The following CACNA2D3 variants were observed in gnomAD, a reference collection of about 807,000 sequenced individuals.
CACNA2D3 encodes calcium voltage-gated channel auxiliary subunit alpha2delta 3, also known as voltage-dependent calcium channel subunit alpha-2/delta-3.
CACNA2D3 carries 60 observed loss-of-function variants against 160.6 expected under a neutral mutation model. The observed-to-expected ratio is 0.37, with a 90% confidence interval of 0.30 to 0.46. The LOEUF is 0.46. Ranked by LOEUF, CACNA2D3 falls within the 20% of genes least tolerant of loss-of-function variation. The probability of loss-of-function intolerance (pLI) is 1.00; values close to 1 mark genes in which losing one functional copy is unlikely to be tolerated. For synonymous variants in CACNA2D3, 558 were observed against 492.9 expected (o/e 1.13, Z -1.75); for missense variants, 1,205 against 1,365.0 (o/e 0.88, Z 1.85).
intron 4 of CACNA2D3, among the ~76,000 whole-genome samples, chr3:54,413,141 G>A (rs925120371): frequency 6.7e-6 from 1 of 150,066 alleles, no homozygotes; most frequent in Non-Finnish European, 1.5e-5. Context: ...CATTTTGGAA[G>A]GATAATTTTG....
chr3:54,379,286 T>C (rs1699061364), intron 3 of CACNA2D3, among the ~76,000 whole-genome samples: 1 of 152,256 alleles, frequency 6.6e-6, no homozygotes, highest in Non-Finnish European at 1.5e-5. Flanking sequence ...TGTTCATTCA[T>C]GTGCAACAAA....
intron 10 of CACNA2D3, chr3:54,632,347 T>G (rs1699258645): frequency 6.6e-6 from 1 of 152,242 alleles, no homozygotes; most frequent in African/African-American, 2.4e-5. Context: ...TCAGATGAGT[T>G]TGTGAACAAT....
At chr3:54,179,589 G>A (rs2107321075) in intron 2 of CACNA2D3, among the ~76,000 whole-genome samples, 1 of 152,296 alleles carries the variant, frequency 6.6e-6, no homozygotes, top group East Asian at 1.9e-4. Flanking sequence ...TTCATATGTT[G>A]AAGCTTAATT....
chr3:54,493,028 A>G (rs558173333), intron 4 of CACNA2D3, among the ~76,000 whole-genome samples: 17 of 149,942 alleles, frequency 1.1e-4, no homozygotes, highest in African/African-American at 3.7e-4. Flanking sequence ...TTATAAATAA[A>G]TAAATATGTA....
intron 11 of CACNA2D3, among the ~76,000 whole-genome samples, chr3:54,706,811 T>G (rs1700864434): frequency 6.6e-6 from 1 of 152,216 alleles, no homozygotes; most frequent in Non-Finnish European, 1.5e-5. Flanking sequence ...AATCCCATGC[T>G]TTGTGGCCAA....
intron 27 of CACNA2D3, among the ~76,000 whole-genome samples, chr3:54,938,392 A>G (rs1222847192): frequency 6.6e-6 from 1 of 152,236 alleles, no homozygotes; most frequent in Non-Finnish European, 1.5e-5. Context: ...CCATGGCCTC[A>G]GAATCCTTTC....
chr3:54,309,021 G>T (rs1703671516), intron 2 of CACNA2D3, among the ~76,000 whole-genome samples: 1 of 152,234 alleles, frequency 6.6e-6, no homozygotes, highest in South Asian at 2.1e-4. Context: ...CATACAAAGA[G>T]ATATTTCTTC....
At chr3:54,661,835 GGGATGTGT>G (rs1699976447) in intron 11 of CACNA2D3, among the ~76,000 whole-genome samples, 1 of 139,472 alleles carries the variant, frequency 7.2e-6, no homozygotes, top group Non-Finnish European at 1.5e-5. Flanking sequence ...AGACATCTCA[GGGATGTGT>G]GTATGTGTGT....
At chr3:54,209,974 A>C (rs933704815) in intron 2 of CACNA2D3, among the ~76,000 whole-genome samples, 3 of 152,194 alleles carry the variant, frequency 2.0e-5, no homozygotes, top group African/African-American at 7.2e-5. Context: ...GATTTTACAC[A>C]TATTTATAGG....
chr3:54,384,177 A>G (rs1208662062), intron 3 of CACNA2D3, among the ~76,000 whole-genome samples: 1 of 151,516 alleles, frequency 6.6e-6, no homozygotes, highest in Non-Finnish European at 1.5e-5. Context: ...GTTTTACTTT[A>G]TCTTTTGATC....
chr3:54,402,780 C>G (rs1251986313), intron 4 of CACNA2D3, among the ~76,000 whole-genome samples: 3 of 152,110 alleles, frequency 2.0e-5, no homozygotes, highest in Admixed American at 6.6e-5. Flanking sequence ...AAAAAATGGA[C>G]TTAACAAATA....
chr3:54,806,657 C>T (rs1434341485), intron 13 of CACNA2D3, among the ~76,000 whole-genome samples: 4 of 152,134 alleles, frequency 2.6e-5, no homozygotes, highest in Non-Finnish European at 4.4e-5. Flanking sequence ...CAATGCCATC[C>T]CCATCAAGCT....
intron 9 of CACNA2D3, among the ~76,000 whole-genome samples, chr3:54,588,339 T>C (rs1702799850): frequency 6.6e-6 from 1 of 152,226 alleles, no homozygotes; most frequent in Admixed American, 6.5e-5. Flanking sequence ...AGAGACCATC[T>C]ACAGAAACCT....
intron 2 of CACNA2D3, among the ~76,000 whole-genome samples, chr3:54,192,791 T>G (rs1365429766): frequency 6.6e-6 from 1 of 152,168 alleles, no homozygotes. Context: ...CAGGGGTTAC[T>G]AATGGCACTG....
intron 2 of CACNA2D3, among the ~76,000 whole-genome samples, chr3:54,186,600 T>C (rs1361400638): frequency 1.3e-5 from 2 of 152,206 alleles, no homozygotes; most frequent in Non-Finnish European, 2.9e-5. Context: ...CAATATTTTT[T>C]CTGGTAATTT....
chr3:54,197,684 G>T (rs1421588675), intron 2 of CACNA2D3, among the ~76,000 whole-genome samples: 5 of 152,092 alleles, frequency 3.3e-5, no homozygotes, highest in African/African-American at 1.2e-4. Context: ...GGCACCTTTT[G>T]GGAACTGCTC....
At chr3:54,291,989 G>T (rs1703218584) in intron 2 of CACNA2D3, among the ~76,000 whole-genome samples, 1 of 152,184 alleles carries the variant, frequency 6.6e-6, no homozygotes. Flanking sequence ...ACATTAGTTT[G>T]ATGGAAAGCC....
intron 26 of CACNA2D3, among the ~76,000 whole-genome samples, chr3:54,898,548 C>A (rs1700253085): frequency 6.6e-6 from 1 of 152,154 alleles, no homozygotes. Flanking sequence ...CACTTTGTTG[C>A]TGAAAATATC....
intron 4 of CACNA2D3, among the ~76,000 whole-genome samples, chr3:54,449,006 A>T (rs934752638): frequency 6.6e-6 from 1 of 152,246 alleles, no homozygotes; most frequent in Non-Finnish European, 1.5e-5. Context: ...TTATTTTAGA[A>T]TGGTTAATGT....
Sources: allele counts gnomAD v4.1 joint callset (sites outside exome capture counted in the v4.1 genomes callset), GRCh38; gene constraint gnomAD v4.1.1; transcripts MANE v1.5; gene names NCBI Gene and HGNC (gene_info 2026-07-23, HGNC 2026-07-21).